Variants in RERE observed in about 807,000 individuals in gnomAD.
RERE encodes the protein arginine-glutamic acid dipeptide repeats protein.
A neutral mutation model predicts 146.1 loss-of-function variants in RERE; 40 were observed. That is an observed-to-expected ratio of 0.27 (90% CI 0.21 to 0.36). The LOEUF (loss-of-function observed/expected upper bound fraction) is 0.36. Ranked by LOEUF, RERE falls within the 10% of genes least tolerant of loss-of-function variation. The probability of loss-of-function intolerance (pLI) is 1.00; values close to 1 mark genes in which losing one functional copy is unlikely to be tolerated. For missense variants in RERE, 1,933 were observed against 2,138.7 expected (o/e 0.90, Z 1.90); for synonymous variants, 1,003 against 866.0 (o/e 1.16, Z -2.78).
chr1:8,477,449 A>C (rs993588550), intron 10 of RERE, among the ~76,000 whole-genome samples: 4 of 152,240 alleles, frequency 2.6e-5, no homozygotes, highest in Non-Finnish European at 5.9e-5. Context: ...CAGGACCACA[A>C]ATGGAAACTA....
At chr1:8,608,025 C>G (rs1195094233) in intron 4 of RERE, among the ~76,000 whole-genome samples, 3 of 151,776 alleles carry the variant, frequency 2.0e-5, no homozygotes, top group Non-Finnish European at 4.4e-5. Context: ...CACACCCAGC[C>G]TAACGTTTTT....
chr1:8,363,866 C>T, intron 15 of RERE, 190 bp downstream of exon 15: 1 of 609,902 alleles, frequency 1.6e-6, no homozygotes. Flanking sequence ...ACCCTGGGGC[C>T]CCTCGAAGGA....
At chr1:8,549,657 T>C (rs903103903) in intron 6 of RERE, among the ~76,000 whole-genome samples, 1 of 152,168 alleles carries the variant, frequency 6.6e-6, no homozygotes, top group Non-Finnish European at 1.5e-5. Flanking sequence ...ATCTCCCAGG[T>C]TAATTAAGCA....
intron 1 of RERE, among the ~76,000 whole-genome samples, chr1:8,789,301 A>AAAAATATATATATAT: frequency 4.0e-5 from 1 of 24,826 alleles, no homozygotes; most frequent in African/African-American, 2.3e-4. Flanking sequence ...AAAAAAAAAA[A>AAAAATATATATATAT]ATATATATAT....
At chr1:8,416,877 T>A (rs1487035124) in intron 12 of RERE, among the ~76,000 whole-genome samples, 5 of 152,236 alleles carry the variant, frequency 3.3e-5, no homozygotes, top group East Asian at 3.9e-4. Flanking sequence ...ATGCAGATTC[T>A]GGCTCAAGAG....
At chr1:8,666,790 T>A (rs181596596) in intron 1 of RERE, among the ~76,000 whole-genome samples, 1 of 152,226 alleles carries the variant, frequency 6.6e-6, no homozygotes, top group African/African-American at 2.4e-5. Flanking sequence ...TTATGTGGTA[T>A]TGAGAGTTTT....
At chr1:8,489,661 TA>T (rs1045957129) in intron 10 of RERE, among the ~76,000 whole-genome samples, 11 of 151,456 alleles carry the variant, frequency 7.3e-5, no homozygotes, top group Admixed American at 3.9e-4. Context: ...GGATAAAATT[TA>T]AAAAAAAATA....
intron 12 of RERE, among the ~76,000 whole-genome samples, chr1:8,387,444 G>T (rs1642716173): frequency 6.6e-6 from 1 of 152,102 alleles, no homozygotes; most frequent in Non-Finnish European, 1.5e-5. Context: ...AAGTATAAAG[G>T]CTGATACATT....
intron 2 of RERE, among the ~76,000 whole-genome samples, chr1:8,652,815 G>A (rs1647695387): frequency 6.6e-6 from 1 of 152,132 alleles, no homozygotes; most frequent in African/African-American, 2.4e-5. Flanking sequence ...TTTGGGTGAG[G>A]ACACACAGCC....
intron 7 of RERE, among the ~76,000 whole-genome samples, chr1:8,535,633 G>C (rs771283518): frequency 6.6e-6 from 1 of 152,142 alleles, no homozygotes; most frequent in Non-Finnish European, 1.5e-5. Context: ...TAACATTATT[G>C]CAGTTGTCAG....
chr1:8,388,792 T>C (rs1193843154), intron 12 of RERE, among the ~76,000 whole-genome samples: 1 of 152,258 alleles, frequency 6.6e-6, no homozygotes, highest in Non-Finnish European at 1.5e-5. Context: ...GTTTCTCTTC[T>C]CTACAGATAA....
Position 8,423,093 on chromosome 1 carries a change from C to A in RERE, c.1204-286G>T. 1 of 389,142 alleles carries A rather than the reference C, an allele frequency of 2.6e-6. No individual in the cohort carries two copies. Among genetic ancestry groups the A allele is most frequent in the Non-Finnish European group, 4.8e-6 (1 of 207,142 alleles). The allele number at this position is 389,142 out of a possible 1,614,324, so 24.1% of individuals were successfully genotyped here. A position where few individuals can be genotyped will look rare whatever the true frequency, so the allele number is the denominator to read the frequency against. On this transcript the variant is annotated intron_variant, in intron 11 of 22. Coordinates refer to ENST00000400908, the MANE Select transcript of RERE (RefSeq NM_001042681.2). This position sits in a 1 kb window ranked among gnomAD's most constrained non-coding sequence, Gnocchi z 5.4. ...TAAGAAGCAATCTGTCCCCCTCTTC[C>A]ACCAGGCACACATTCTGGTGCACGA...
At chr1:8,481,349 C>T (rs1644831486) in intron 10 of RERE, among the ~76,000 whole-genome samples, 1 of 152,184 alleles carries the variant, frequency 6.6e-6, no homozygotes, top group African/African-American at 2.4e-5. Flanking sequence ...CTGTTGACCT[C>T]GTGATCTGCC....
chr1:8,501,777 G>A (rs866486561), intron 8 of RERE, among the ~76,000 whole-genome samples: 1,142 of 87,294 alleles, frequency 0.013, 136 homozygotes, highest in Admixed American at 0.025. Context: ...TCAGCCCCCC[G>A]CCTGGCCAGC....
intron 10 of RERE, among the ~76,000 whole-genome samples, chr1:8,480,584 C>T (rs182151328): frequency 1.8e-4 from 27 of 151,792 alleles, no homozygotes; most frequent in African/African-American, 5.6e-4. Flanking sequence ...TACAGGCATG[C>T]ACCACCATAC....
chr1:8,393,326 A>C (rs1642947906), intron 12 of RERE, among the ~76,000 whole-genome samples: 1 of 152,216 alleles, frequency 6.6e-6, no homozygotes, highest in Admixed American at 6.5e-5. Flanking sequence ...AGTAAGATGC[A>C]GTATCCTATT....
At chr1:8,602,514 G>T (rs1175906659) in intron 4 of RERE, among the ~76,000 whole-genome samples, 1 of 5,120 alleles carries the variant, frequency 2.0e-4, no homozygotes, top group East Asian at 4.7e-3. Flanking sequence ...TAGTTCAGGG[G>T]AAAAAAAAAG....
At chr1:8,390,071 T>C (rs745484576) in intron 12 of RERE, among the ~76,000 whole-genome samples, 3 of 152,162 alleles carry the variant, frequency 2.0e-5, no homozygotes, top group Non-Finnish European at 4.4e-5. Context: ...GAGGTGGGCA[T>C]GTACCAGAAA....
At chr1:8,544,760 G>A (rs560034335) in intron 6 of RERE, among the ~76,000 whole-genome samples, 1 of 152,194 alleles carries the variant, frequency 6.6e-6, no homozygotes, top group African/African-American at 2.4e-5. Context: ...AACTACTAGA[G>A]GAAAGTAAAA....
Sources: allele counts gnomAD v4.1 joint callset (sites outside exome capture counted in the v4.1 genomes callset), GRCh38; gene constraint gnomAD v4.1.1; non-coding constraint Gnocchi (gnomAD v3.1); transcripts MANE v1.5; gene names NCBI Gene and HGNC (gene_info 2026-07-23, HGNC 2026-07-21).